Variants in DPP10 observed in about 807,000 individuals in gnomAD.
DPP10 encodes the protein dipeptidyl peptidase like 10.
In DPP10, 33 loss-of-function variants were observed where a neutral mutation model predicts 120.9. The observed-to-expected ratio is 0.27, with a 90% CI of 0.21 to 0.37. The LOEUF is 0.37. Ranked by LOEUF, DPP10 falls within the 10% of genes least tolerant of loss-of-function variation. The pLI is 1.00. For synonymous variants in DPP10, 337 were observed against 326.1 expected, an observed-to-expected ratio of 1.03 and a Z score of -0.36; for missense variants, 816 against 942.8, an observed-to-expected ratio of 0.87 and a Z score of 1.76.
Position 115,814,161 on chromosome 2 carries a change from C to CAT in DPP10, c.1701-625_1701-624dup, listed in dbSNP as rs531868143. 5.1e-4 allele frequency among the ~76,000 whole-genome samples: 78 copies of CAT among 152,202 alleles called. 2 individuals are homozygous for CAT. The highest frequency in any genetic ancestry group is 1.4e-3 in the Admixed American group (22 of 15,290). ...CCTTCTAGCTTTCAAGTTTTTCAAA[C>CAT]ATATATATCTATGCTTCTTTCTGCT... On this transcript the variant is annotated intron_variant, in intron 19 of 25. Transcript: ENST00000410059.
chr2:114,869,555 A>G (rs935315445), intron 1 of DPP10, among the ~76,000 whole-genome samples: 2 of 152,158 alleles, frequency 1.3e-5, no homozygotes, highest in Non-Finnish European at 2.9e-5. Flanking sequence ...GGATCCTGAA[A>G]GGCAGCCAAC....
At chr2:115,449,118 A>T (rs2072882399) in intron 3 of DPP10, among the ~76,000 whole-genome samples, 1 of 152,136 alleles carries the variant, frequency 6.6e-6, no homozygotes, top group South Asian at 2.1e-4. Flanking sequence ...TTGAGATAAA[A>T]TTAACTCCTC....
chr2:115,631,758 G>A (rs1310002921), intron 5 of DPP10, among the ~76,000 whole-genome samples: 8 of 152,264 alleles, frequency 5.3e-5, no homozygotes, highest in Middle Eastern at 3.4e-3. Flanking sequence ...TAATTTGATG[G>A]CACTGTGGTC....
chr2:115,745,843 G>A (rs1244871141), intron 9 of DPP10, among the ~76,000 whole-genome samples: 1 of 152,110 alleles, frequency 6.6e-6, no homozygotes, highest in Non-Finnish European at 1.5e-5. Context: ...TGCCTAATGA[G>A]TGAAGTCATC....
At chr2:115,337,160 T>C (rs550250739) in intron 2 of DPP10, among the ~76,000 whole-genome samples, 3 of 149,758 alleles carry the variant, frequency 2.0e-5, no homozygotes, top group Admixed American at 6.7e-5. Context: ...AAAAAAAAAA[T>C]TCCTACATTT....
intron 7 of DPP10, among the ~76,000 whole-genome samples, chr2:115,702,054 C>T (rs1429780160): frequency 2.0e-5 from 3 of 151,994 alleles, no homozygotes; most frequent in Admixed American, 2.0e-4. Flanking sequence ...ATACCATTTA[C>T]TAGTGAGAAT....
At chr2:115,720,321 T>G (rs2092614515) in intron 7 of DPP10, among the ~76,000 whole-genome samples, 1 of 152,144 alleles carries the variant, frequency 6.6e-6, no homozygotes, top group Admixed American at 6.6e-5. Flanking sequence ...AATAAGCACT[T>G]TTCATTTATC....
intron 1 of DPP10, among the ~76,000 whole-genome samples, chr2:115,014,940 C>T (rs1300339933): frequency 2.0e-5 from 3 of 151,552 alleles, no homozygotes; most frequent in African/African-American, 7.3e-5. Context: ...GAGCTGGTAC[C>T]ATTCTTTCTG....
chr2:115,518,197 TG>T (rs2077604140), intron 4 of DPP10, among the ~76,000 whole-genome samples: 1 of 152,122 alleles, frequency 6.6e-6, no homozygotes, highest in African/African-American at 2.4e-5. Flanking sequence ...CCTCCAACAC[TG>T]GGGATCAAAT....
chr2:115,288,501 T>G (rs2060498284), intron 1 of DPP10, among the ~76,000 whole-genome samples: 1 of 152,058 alleles, frequency 6.6e-6, no homozygotes, highest in Non-Finnish European at 1.5e-5. Flanking sequence ...GTGGATCACT[T>G]GAGGTCAGGA....
intron 1 of DPP10, among the ~76,000 whole-genome samples, chr2:114,599,865 T>G (rs575514125): frequency 6.6e-6 from 1 of 151,872 alleles, no homozygotes; most frequent in Non-Finnish European, 1.5e-5. Flanking sequence ...TCAGTGTAGT[T>G]CATGATTTTT....
intron 1 of DPP10, among the ~76,000 whole-genome samples, chr2:114,449,950 T>C (rs1178637490): frequency 6.6e-6 from 1 of 152,130 alleles, no homozygotes; most frequent in Admixed American, 6.5e-5. Context: ...CATGAACCTT[T>C]ACCAGGGAGG....
intron 5 of DPP10, among the ~76,000 whole-genome samples, chr2:115,595,259 G>A (rs1308371498): frequency 6.6e-6 from 1 of 151,750 alleles, no homozygotes; most frequent in East Asian, 1.9e-4. Flanking sequence ...TTTTTTTGCA[G>A]TTTACTCAAC....
intron 1 of DPP10, among the ~76,000 whole-genome samples, chr2:115,015,081 A>G (rs1354098397): frequency 6.6e-6 from 1 of 152,190 alleles, no homozygotes; most frequent in African/African-American, 2.4e-5. Flanking sequence ...TTCCTGATGA[A>G]CATCGATGCG....
chr2:115,824,674 G>A (rs912980781), intron 21 of DPP10, among the ~76,000 whole-genome samples: 13 of 151,982 alleles, frequency 8.6e-5, no homozygotes, highest in Admixed American at 2.6e-4. Context: ...TGGCCACTTC[G>A]TATTCCATGG....
At chr2:115,548,523 G>A (rs1019184898) in intron 5 of DPP10, among the ~76,000 whole-genome samples, 1 of 152,098 alleles carries the variant, frequency 6.6e-6, no homozygotes, top group Non-Finnish European at 1.5e-5. Flanking sequence ...TAGAAAGTCA[G>A]TGATGCAATG....
At chr2:115,379,671 C>G (rs1158097107) in intron 3 of DPP10, among the ~76,000 whole-genome samples, 1 of 152,044 alleles carries the variant, frequency 6.6e-6, no homozygotes, top group Non-Finnish European at 1.5e-5. Context: ...ATCTTTCCTG[C>G]TTTGTCTTGT....
At chr2:115,369,265 A>C (rs995010690) in intron 3 of DPP10, among the ~76,000 whole-genome samples, 1 of 152,124 alleles carries the variant, frequency 6.6e-6, no homozygotes, top group Non-Finnish European at 1.5e-5. Flanking sequence ...TCTCAAAAGT[A>C]CATGAAAGAA....
chr2:115,293,306 G>A (rs934213682), intron 1 of DPP10, among the ~76,000 whole-genome samples: 1 of 141,372 alleles, frequency 7.1e-6, no homozygotes, highest in Non-Finnish European at 1.6e-5. Flanking sequence ...TTATGATTAA[G>A]GTATTTAGTA....
Sources: gnomAD v4.1 joint callset for allele counts (sites outside exome capture counted in the v4.1 genomes callset) on GRCh38, gnomAD v4.1.1 for gene constraint, MANE v1.5 for transcripts, NCBI Gene and HGNC (gene_info 2026-07-23, HGNC 2026-07-21) for gene names.